GABRB2: variants seen among roughly 807,000 people sequenced by gnomAD.
The protein encoded by GABRB2 is gamma-aminobutyric acid type A receptor subunit beta2.
GABRB2 carries 16 observed loss-of-function variants against 54.7 expected under a neutral mutation model. The ratio of observed to expected loss-of-function variants is 0.29; its 90% CI spans 0.20 to 0.44. The LOEUF (loss-of-function observed/expected upper bound fraction) is 0.44. GABRB2 is among the 20% of genes least tolerant of loss of function. The pLI, the probability that GABRB2 is intolerant of heterozygous loss-of-function variation, is 1.00. For missense variants in GABRB2, 355 were observed against 644.0 expected, an observed-to-expected ratio of 0.55 and a Z score of 4.86; for synonymous variants, 244 against 233.8, an observed-to-expected ratio of 1.04 and a Z score of -0.40.
chr5:161,486,125 C>T (rs919026057), intron 3 of GABRB2, among the ~76,000 whole-genome samples: 2 of 151,890 alleles, frequency 1.3e-5, no homozygotes, highest in African/African-American at 4.8e-5. Flanking sequence ...AACTGTAATA[C>T]ATTGAATGTA....
chr5:161,485,953 G>A (rs1758911268), intron 3 of GABRB2, among the ~76,000 whole-genome samples: 1 of 151,834 alleles, frequency 6.6e-6, no homozygotes, highest in South Asian at 2.1e-4. Context: ...GCCAAAAGAT[G>A]GAAAATGGTT....
Position 161,390,812 on chromosome 5 carries a change from A to G in GABRB2, c.541+20163T>C, listed in dbSNP as rs1400686925. ...ATCTTTGCATCTAGTCTCATCCCACAACGTAAGGCTTTCAGCACCATCTCA... is the reference window on the plus strand; with the variant it reads ...ATCTTTGCATCTAGTCTCATCCCACGACGTAAGGCTTTCAGCACCATCTCA... On this transcript the variant is annotated intron_variant, in intron 5 of 9. Coordinates refer to ENST00000393959, the MANE Select transcript of GABRB2 (RefSeq NM_001371727.1). Among the ~76,000 whole-genome samples the G allele has an allele frequency of 4.6e-5, 7 of 152,112 alleles. No homozygotes were observed. The East Asian group carries it at 1.2e-3, about 25-fold the overall frequency.
upstream of GABRB2, chr5:161,546,881 A>C: frequency 1.3e-6 from 1 of 767,018 alleles, no homozygotes; most frequent in South Asian, 2.9e-5. Context: ...ATAATATAGA[A>C]AAGTCACCCC....
chr5:161,510,248 C>G (rs935478056), intron 3 of GABRB2, among the ~76,000 whole-genome samples: 12 of 151,058 alleles, frequency 7.9e-5, no homozygotes, highest in African/African-American at 2.9e-4. Flanking sequence ...TCCCCCAGCT[C>G]CCCCCCAACC....
upstream of GABRB2, chr5:161,548,056 C>T (rs892047281): frequency 2.6e-5 from 4 of 152,828 alleles, no homozygotes; most frequent in African/African-American, 9.6e-5. Flanking sequence ...AAGAGCCCCT[C>T]ACCTCCGGAG....
At chr5:161,391,852 A>G (rs1755832712) in intron 5 of GABRB2, among the ~76,000 whole-genome samples, 1 of 152,170 alleles carries the variant, frequency 6.6e-6, no homozygotes, top group Non-Finnish European at 1.5e-5. Flanking sequence ...GAGACTCAGC[A>G]TTCACTGATC....
chr5:161,358,924 G>T (rs897490903), intron 5 of GABRB2, among the ~76,000 whole-genome samples: 1 of 152,184 alleles, frequency 6.6e-6, no homozygotes, highest in Non-Finnish European at 1.5e-5. Flanking sequence ...TTTAAAGTGT[G>T]AGCAGTCACT....
chr5:161,367,085 G>GA (rs1222267484), intron 5 of GABRB2, among the ~76,000 whole-genome samples: 1 of 151,968 alleles, frequency 6.6e-6, no homozygotes, highest in Non-Finnish European at 1.5e-5. Flanking sequence ...CACTGATAAG[G>GA]AAAAAAATCT....
intron 4 of GABRB2, among the ~76,000 whole-genome samples, chr5:161,442,453 G>T (rs1017838080): frequency 1.3e-5 from 2 of 152,176 alleles, no homozygotes; most frequent in South Asian, 2.1e-4. Context: ...TTACTGGCCT[G>T]TAGCCATATG....
At chr5:161,370,851 G>A (rs1012053796) in intron 5 of GABRB2, among the ~76,000 whole-genome samples, 3 of 152,106 alleles carry the variant, frequency 2.0e-5, no homozygotes, top group African/African-American at 7.2e-5. Flanking sequence ...TAGGTTGGTG[G>A]AAAGAGCCAT....
At chr5:161,415,751 T>C (rs10061283) in intron 4 of GABRB2, among the ~76,000 whole-genome samples, 2,842 of 152,016 alleles carry the variant, frequency 0.019, 87 homozygotes, top group African/African-American at 0.065. Flanking sequence ...TAGCTGGGAT[T>C]ATAGGCAACT....
intron 9 of GABRB2, among the ~76,000 whole-genome samples, chr5:161,311,208 T>C (rs1173967007): frequency 6.6e-6 from 1 of 152,202 alleles, no homozygotes; most frequent in Non-Finnish European, 1.5e-5. Context: ...TCATGGATAA[T>C]AAAACTAAAG....
chr5:161,522,450 T>C (rs1760144183), intron 3 of GABRB2, among the ~76,000 whole-genome samples: 1 of 151,788 alleles, frequency 6.6e-6, no homozygotes, highest in Non-Finnish European at 1.5e-5. Flanking sequence ...CAAACTACTC[T>C]GTCGGAAAAA....
rs113858715 is a variant in GABRB2, at chr5:161,532,273, C to T, written c.237+12954G>A. On this transcript the variant is annotated intron_variant, in intron 3 of 9. Transcript: ENST00000393959. The stretch of plus-strand genomic sequence containing the variant: ...TAGCATATCTGTGTGTATATGTATG[C>T]GTGTGTCTGTATTACCCACTCAGTC... 8.6e-3 allele frequency among the ~76,000 whole-genome samples: 1,310 copies of T among 152,042 alleles called. 18 individuals carry two copies. Among genetic ancestry groups the T allele is most frequent in the African/African-American group, 0.029 (1,223 of 41,464 alleles).
chr5:161,481,428 A>G (rs1758759265), intron 3 of GABRB2, among the ~76,000 whole-genome samples: 2 of 152,162 alleles, frequency 1.3e-5, no homozygotes, highest in South Asian at 2.1e-4. Flanking sequence ...AGGTACCGGG[A>G]CCGTATAGTA....
intron 3 of GABRB2, among the ~76,000 whole-genome samples, chr5:161,495,348 T>C (rs1179067639): frequency 6.6e-6 from 1 of 151,984 alleles, no homozygotes; most frequent in African/African-American, 2.4e-5. Context: ...TCAATGATTA[T>C]TCTATGGCAA....
chr5:161,399,208 A>G (rs1756102726), intron 5 of GABRB2, among the ~76,000 whole-genome samples: 1 of 152,212 alleles, frequency 6.6e-6, no homozygotes, highest in South Asian at 2.1e-4. Flanking sequence ...TTAGATAAAT[A>G]AACAAGGAAA....
intron 5 of GABRB2, among the ~76,000 whole-genome samples, chr5:161,373,391 A>G (rs775455802): frequency 5.3e-5 from 8 of 152,172 alleles, no homozygotes; most frequent in Non-Finnish European, 1.0e-4. Context: ...ACAATATATA[A>G]TATGCCCAAC....
At chr5:161,430,981 T>C (rs563202375) in intron 4 of GABRB2, among the ~76,000 whole-genome samples, 7 of 152,282 alleles carry the variant, frequency 4.6e-5, no homozygotes, top group African/African-American at 1.7e-4. Context: ...CAAAGCAAGA[T>C]TTGTAATAGA....
Sources: allele counts gnomAD v4.1 joint callset (sites outside exome capture counted in the v4.1 genomes callset), GRCh38; gene constraint gnomAD v4.1.1; transcripts MANE v1.5; gene names NCBI Gene and HGNC (gene_info 2026-07-23, HGNC 2026-07-21).